CCZ1: variants seen among roughly 807,000 people sequenced by gnomAD.
The protein encoded by CCZ1 is CCZ1 vacuolar protein trafficking and biogenesis associated, also known as vacuolar fusion protein CCZ1 homolog.
In CCZ1, 19 loss-of-function variants were observed where a neutral mutation model predicts 57.8. The ratio of observed to expected loss-of-function variants is 0.33; its 90% CI spans 0.23 to 0.48. CCZ1 has a LOEUF of 0.48. Among genes scored for constraint, CCZ1 ranks in the 20% least tolerant of loss-of-function variants. CCZ1 has a pLI of 0.99. For synonymous variants in CCZ1, 81 were observed against 167.0 expected, an observed-to-expected ratio of 0.49 and a Z score of 3.97; for missense variants, 200 against 492.0, an observed-to-expected ratio of 0.41 and a Z score of 5.61.
At position 5,910,099 on chromosome 7, in the gene CCZ1, A is replaced by G. The variant is rs935883282; in HGVS notation, c.763A>G (p.Arg255Gly). Reference protein sequence around the residue: ...YKYLTTSLFPRHIEPELAGRD... With the variant: ...YKYLTTSLFPGHIEPELAGRD... The stretch of plus-strand genomic sequence containing the variant: ...ATACCTTACCACCTCCCTTTTTCCA[A>G]GGCACATCGAACCTGAGGTATGATG... Residue 255 changes from arginine (R) to glycine (G), a missense_variant, in exon 8 of 15, where the codon AGG (arginine) becomes GGG (glycine). By Grantham distance (125) the Arg-to-Gly change is moderately radical. Transcript: ENST00000325974. 1 of 1,564,982 alleles carries G rather than the reference A, an allele frequency of 6.4e-7. No homozygotes were observed. The highest frequency in any genetic ancestry group is 8.8e-7 in the Non-Finnish European group (1 of 1,142,034).
At chr7:5,904,970 G>C in intron 6 of CCZ1, 124 bp from the exon 7 acceptor site, 1 of 1,262,084 alleles carries the variant, frequency 7.9e-7, no homozygotes, top group Non-Finnish European at 1.1e-6. Context: ...TCATTGTTGC[G>C]CTGTTTGCTA....
rs533631303 is a variant in CCZ1, at chr7:5,906,191, T to TGA, written c.698+926_698+927dup. On this transcript the variant is annotated intron_variant, in intron 7 of 14. Transcript: ENST00000325974. The stretch of plus-strand genomic sequence containing the variant: ...AAGACTGCCCAGCATATGTGACCCC[T>TGA]GAGAGCTGGGTGGCAACCGAGGTTG... Among the ~76,000 whole-genome samples, 30 of 148,468 alleles carry TGA rather than the reference T, an allele frequency of 2.0e-4. 5 individuals carry two copies. The South Asian group carries it at 6.7e-3, about 33-fold the overall frequency.
chr7:5,907,249 A>G (rs1235961175), intron 7 of CCZ1, among the ~76,000 whole-genome samples: 3 of 149,584 alleles, frequency 2.0e-5, no homozygotes, highest in African/African-American at 4.9e-5. Context: ...TATGTACACA[A>G]TGTTACTAAA....
At chr7:5,900,802 T>A (rs1781669262) in intron 3 of CCZ1, 53 bp from the exon 4 acceptor site, 2 of 1,548,456 alleles carry the variant, frequency 1.3e-6, no homozygotes, top group Non-Finnish European at 1.7e-6. Flanking sequence ...TAAGGCAAAA[T>A]AAACATGGTC....
chr7:5,906,327 T>C (rs11771929), intron 7 of CCZ1, among the ~76,000 whole-genome samples: 28,556 of 107,190 alleles, frequency 0.27, 3,806 homozygotes, highest in Middle Eastern at 0.37. Flanking sequence ...TTCTTTCTTT[T>C]TTTTTTTTTT....
chr7:5,920,660 C>T (rs1176669980), intron 12 of CCZ1, among the ~76,000 whole-genome samples: 6 of 141,300 alleles, frequency 4.2e-5, no homozygotes, highest in East Asian at 2.0e-4. Flanking sequence ...TTAGTAGAGA[C>T]GGGGTTTCAC....
At chr7:5,907,185 AGTTT>A (rs1781850867) in intron 7 of CCZ1, among the ~76,000 whole-genome samples, 1 of 149,718 alleles carries the variant, frequency 6.7e-6, no homozygotes, top group Non-Finnish European at 1.5e-5. Context: ...TTTGACAAAT[AGTTT>A]ATCAGGCAAC....
intron 7 of CCZ1, among the ~76,000 whole-genome samples, chr7:5,908,636 T>TC (rs1781892646): frequency 6.8e-6 from 1 of 147,766 alleles, no homozygotes. Context: ...CACCTTGGCT[T>TC]CCCCAAGTGC....
intron 10 of CCZ1, among the ~76,000 whole-genome samples, chr7:5,916,399 T>C (rs951608131): frequency 1.5e-5 from 2 of 130,930 alleles, no homozygotes; most frequent in African/African-American, 5.4e-5. Flanking sequence ...GGAAGAGGCG[T>C]GTGGGGCAGG....
chr7:5,914,499 G>C (rs1000803330), intron 10 of CCZ1, among the ~76,000 whole-genome samples: 5 of 148,918 alleles, frequency 3.4e-5, no homozygotes, highest in Non-Finnish European at 7.4e-5. Flanking sequence ...CAGTGGAAGA[G>C]AGACTTTCAA....
chr7:5,916,509 T>TG (rs1333308556), intron 10 of CCZ1, among the ~76,000 whole-genome samples: 5 of 14,406 alleles, frequency 3.5e-4, no homozygotes, highest in East Asian at 1.4e-3. Flanking sequence ...TTTTTTGTTT[T>TG]TTTTTTTTTT....
chr7:5,923,208 TCA>T (rs1779283628), intron 12 of CCZ1, among the ~76,000 whole-genome samples, 177 bp from the exon 13 acceptor site: 1 of 77,738 alleles, frequency 1.3e-5, no homozygotes, highest in Non-Finnish European at 2.5e-5. Flanking sequence ...TCCCAGCTAC[TCA>T]GGAGGCTGAG....
intron 1 of CCZ1, among the ~76,000 whole-genome samples, chr7:5,899,334 G>GGTGTGTGTGTGTGTGTGT (rs869199583): frequency 3.2e-4 from 4 of 12,548 alleles, no homozygotes; most frequent in East Asian, 1.5e-3. Flanking sequence ...TCGGGAGGGG[G>GGTGTGTGTGTGTGTGTGT]GTGTGTGTGT....
In CCZ1 at chr7:5,910,312, G is replaced by C. The variant is rs1781940181; in HGVS notation, c.780+196G>C. The C allele has an allele frequency of 4.2e-6, 2 of 474,746 alleles. 1 individual carries two copies. The highest frequency in any genetic ancestry group is 7.6e-5 in the South Asian group (2 of 26,336). The allele number at this position is 474,746 out of a possible 1,614,324, so 29.4% of individuals were successfully genotyped here. A position where few individuals can be genotyped will look rare whatever the true frequency, so the allele number is the denominator to read the frequency against. ...CTCCTCCAGTATGTGACATTCAGAT[G>C]TGATACAGAAAGCATCGTTTTGTGT... On this transcript the variant is annotated intron_variant, in intron 8 of 14. Coordinates refer to ENST00000325974, the MANE Select transcript of CCZ1 (RefSeq NM_015622.6).
Position 5,902,530 on chromosome 7 carries a change from A to G in CCZ1, c.439-131A>G, listed in dbSNP as rs1215693160. On this transcript the variant is annotated intron_variant, in intron 5 of 14. Coordinates refer to ENST00000325974, the MANE Select transcript of CCZ1 (RefSeq NM_015622.6). Reference sequence around the variant, plus strand: ...TTAACTCAAGTTTTCTCATGTAAATATTCTCTGTTGGAAAGAACTGGGAGA... The same window carrying G: ...TTAACTCAAGTTTTCTCATGTAAATGTTCTCTGTTGGAAAGAACTGGGAGA... 1.5e-5 allele frequency: 21 copies of G among 1,365,518 alleles called. 2 individuals carry two copies. The highest frequency in any genetic ancestry group is 3.3e-5 in the South Asian group (2 of 61,230). 84.6% of individuals were successfully genotyped at this position (1,365,518 alleles called of 1,614,324 possible). A position where few individuals can be genotyped will look rare whatever the true frequency, so the allele number is the denominator to read the frequency against.
chr7:5,904,528 CAA>C (rs781016146), intron 6 of CCZ1, among the ~76,000 whole-genome samples: 4 of 128,694 alleles, frequency 3.1e-5, no homozygotes, highest in Admixed American at 7.7e-5. Flanking sequence ...CTGTCTATAC[CAA>C]AAAAAAAAAA....
At chr7:5,899,385 T>TGTGTGTGGG (rs1314094356) in intron 1 of CCZ1, among the ~76,000 whole-genome samples, 1 of 109,270 alleles carries the variant, frequency 9.2e-6, no homozygotes, top group Non-Finnish European at 1.9e-5. Flanking sequence ...GTGTGTGTGG[T>TGTGTGTGGG]TTTTCTGAGG....
At chr7:5,909,809 A>G (rs1781926345) in intron 7 of CCZ1, among the ~76,000 whole-genome samples, 1 of 150,948 alleles carries the variant, frequency 6.6e-6, no homozygotes, top group South Asian at 2.1e-4. Flanking sequence ...GATTTACCTC[A>G]ATGCTAAGAA....
chr7:5,902,720 A>C lies in CCZ1; in HGVS notation c.498A>C (p.Glu166Asp), dbSNP rs1225200726. Reference sequence around the variant, plus strand: ...ACGGAGGCGTCAAGCTTCTGAAAGAAAGATTAGAGAAATTCTTCCATCGGG... The same window carrying C: ...ACGGAGGCGTCAAGCTTCTGAAAGACAGATTAGAGAAATTCTTCCATCGGG... ...MEDGGVKLLKERLEKFFHRYL... is the reference protein window; with the variant it reads ...MEDGGVKLLKDRLEKFFHRYL... Residue 166 changes from glutamate to aspartate, a missense_variant, in exon 6 of 15, where the codon GAA becomes GAC. Glu to Asp is a conservative substitution (Grantham distance 45). Transcript: ENST00000325974. The C allele has an allele frequency of 6.3e-7, 1 of 1,593,754 alleles. No homozygotes were observed. Among genetic ancestry groups the C allele is most frequent in the African/African-American group, 1.4e-5 (1 of 73,282 alleles).
Sources: allele counts gnomAD v4.1 joint callset (sites outside exome capture counted in the v4.1 genomes callset), GRCh38; gene constraint gnomAD v4.1.1; transcripts MANE v1.5; gene names NCBI Gene and HGNC (gene_info 2026-07-23, HGNC 2026-07-21).